Variants in CCNH observed in about 807,000 individuals in gnomAD.
CCNH encodes the protein cyclin-H.
Under a neutral mutation model 41.9 loss-of-function variants are expected in CCNH, and 31 were observed. That is an observed-to-expected ratio of 0.74 (90% confidence interval 0.56 to 1.00). The LOEUF is 1.00. Among genes scored for constraint, CCNH ranks in the 50% least tolerant of loss-of-function variants. CCNH has a pLI of 0.00. For missense variants in CCNH, 362 were observed against 388.4 expected (o/e 0.93, Z 0.57); for synonymous variants, 138 against 136.1 (o/e 1.01, Z -0.10).
chr5:87,334,942 G>T (rs1181696439), intron 9 of CCNH, among the ~76,000 whole-genome samples: 1 of 152,010 alleles, frequency 6.6e-6, no homozygotes, highest in Non-Finnish European at 1.5e-5. Context: ...GGAGTGCAGT[G>T]GCACGATCTT....
chr5:87,326,065 G>A (rs1323476801), intron 9 of CCNH, among the ~76,000 whole-genome samples: 2 of 151,830 alleles, frequency 1.3e-5, no homozygotes, highest in African/African-American at 4.8e-5. Flanking sequence ...TTGACTTCCC[G>A]GGCTTAAGCT....
upstream of CCNH, chr5:87,379,741 C>T (rs141119571): frequency 2.5e-6 from 4 of 1,611,784 alleles, no homozygotes; most frequent in African/African-American, 4.0e-5. Flanking sequence ...TTAGTTAAGT[C>T]CATCAAAGTT....
downstream of CCNH, chr5:87,391,460 T>C (rs1488076469): frequency 5.4e-5 from 13 of 241,872 alleles, no homozygotes; most frequent in Non-Finnish European, 9.0e-5. Context: ...TTTCTCTTGC[T>C]GGAACTGTTG....
chr5:87,392,801 G>T (rs943161283), downstream of CCNH: 2 of 154,420 alleles, frequency 1.3e-5, no homozygotes, highest in African/African-American at 4.8e-5. Context: ...TAGCTTGTCA[G>T]TGTTGAAATA....
chr5:87,382,418 G>A (rs897510908), intron 9 of CCNH, among the ~76,000 whole-genome samples: 21 of 152,186 alleles, frequency 1.4e-4, no homozygotes, highest in East Asian at 5.8e-4. Context: ...AAGGAATTGC[G>A]TAACTCATTA....
chr5:87,313,802 A>C (rs1756104884), downstream of CCNH, among the ~76,000 whole-genome samples: 1 of 152,238 alleles, frequency 6.6e-6, no homozygotes, highest in African/African-American at 2.4e-5. Context: ...AATGAGAGAG[A>C]TTTCTGTAGA....
At chr5:87,356,383 A>AGTT (rs1554047341) in intron 9 of CCNH, among the ~76,000 whole-genome samples, 4 of 141,768 alleles carry the variant, frequency 2.8e-5, no homozygotes, top group African/African-American at 7.7e-5. Flanking sequence ...GATGATTGTT[A>AGTT]TTTTTTTTTT....
chr5:87,362,743 A>G, intron 9 of CCNH: 1 of 1,502,646 alleles, frequency 6.7e-7, no homozygotes, highest in Non-Finnish European at 9.2e-7. Flanking sequence ...ACTTATTGTG[A>G]TATATATTTA....
chr5:87,356,782 G>A (rs1400396641), intron 9 of CCNH, among the ~76,000 whole-genome samples: 3 of 152,096 alleles, frequency 2.0e-5, no homozygotes, highest in Non-Finnish European at 4.4e-5. Flanking sequence ...TAACTTATAC[G>A]TGCACTGCGA....
At chr5:87,399,616 C>T (rs1763244177) in intron 6 of CCNH, 111 bp from the exon 7 acceptor site, 3 of 700,622 alleles carry the variant, frequency 4.3e-6, no homozygotes, top group South Asian at 1.6e-5. Context: ...CTTCAAATGA[C>T]ATGGTTATTC....
At chr5:87,375,123 C>T (rs1203497565), downstream of CCNH, among the ~76,000 whole-genome samples, 3 of 152,136 alleles carry the variant, frequency 2.0e-5, no homozygotes, top group African/African-American at 7.2e-5. Context: ...TTCAACTGTA[C>T]ACACTGTTAA....
At chr5:87,351,113 A>T (rs1184624426) in intron 9 of CCNH, among the ~76,000 whole-genome samples, 1 of 151,584 alleles carries the variant, frequency 6.6e-6, no homozygotes, top group Non-Finnish European at 1.5e-5. Context: ...ATAAAGAGGG[A>T]TAGTAGTTAT....
downstream of CCNH, among the ~76,000 whole-genome samples, chr5:87,388,362 A>T (rs1762213658): frequency 6.6e-6 from 1 of 152,212 alleles, no homozygotes; most frequent in South Asian, 2.1e-4. Flanking sequence ...CAAGGCTTAA[A>T]ATAACACTGG....
At chr5:87,381,132 G>C (rs923472634), upstream of CCNH, among the ~76,000 whole-genome samples, 2 of 152,166 alleles carry the variant, frequency 1.3e-5, no homozygotes, top group African/African-American at 4.8e-5. Flanking sequence ...TCTATAGGAA[G>C]AACTGCTTTG....
chr5:87,384,509 T>G (rs1761935875), intron 9 of CCNH, among the ~76,000 whole-genome samples: 1 of 152,164 alleles, frequency 6.6e-6, no homozygotes, highest in African/African-American at 2.4e-5. Flanking sequence ...TATATAGCCA[T>G]CACATCTCTG....
Position 87,353,164 on chromosome 5 carries a change from G to A in CCNH, c.*91-34267C>T, listed in dbSNP as rs768076323. The A allele has an allele frequency of 2.5e-6, 4 of 1,608,230 alleles. No homozygotes were observed. Among genetic ancestry groups the A allele is most frequent in the East Asian group, 4.5e-5 (2 of 44,632 alleles). ...AAATTTTTATTTTAACAGCATTGGG[G>A]ACATCATAGATCACTATCGAAAAGA... On this transcript the variant is annotated intron_variant and NMD_transcript_variant, in intron 9 of 9. Coordinates refer to the CCNH transcript ENST00000645953.
At chr5:87,403,463 G>A (rs1763562624) in intron 5 of CCNH, among the ~76,000 whole-genome samples, 1 of 152,110 alleles carries the variant, frequency 6.6e-6, no homozygotes, top group Non-Finnish European at 1.5e-5. Flanking sequence ...GTGGAAAAGA[G>A]GACTTTTGTT....
At chr5:87,367,222 G>A (rs568266110) in intron 9 of CCNH, among the ~76,000 whole-genome samples, 13 of 152,114 alleles carry the variant, frequency 8.5e-5, no homozygotes, top group South Asian at 2.1e-4. Context: ...CCATATAATA[G>A]GACAAGTAGA....
At chr5:87,338,113 T>C in intron 9 of CCNH, 1 of 1,611,290 alleles carries the variant, frequency 6.2e-7, no homozygotes, top group Non-Finnish European at 8.5e-7. Flanking sequence ...TCTTTTCTTC[T>C]CAATTCTAGA....
Sources: gnomAD v4.1 joint callset for allele counts (sites outside exome capture counted in the v4.1 genomes callset) on GRCh38, gnomAD v4.1.1 for gene constraint, MANE v1.5 for transcripts, NCBI Gene and HGNC (gene_info 2026-07-23, HGNC 2026-07-21) for gene names.